DPF2: variants seen among roughly 807,000 people sequenced by gnomAD.
The protein encoded by DPF2 is zinc finger protein ubi-d4.
Under a neutral mutation model 59.6 loss-of-function variants are expected in DPF2, and 10 were observed. The ratio of observed to expected loss-of-function variants is 0.17; its 90% CI spans 0.10 to 0.28. The LOEUF is 0.28. Among genes scored for constraint, DPF2 ranks in the 10% least tolerant of loss-of-function variants. DPF2 has a pLI of 1.00. For synonymous variants in DPF2, 189 were observed against 190.6 expected (o/e 0.99, Z 0.07); for missense variants, 315 against 509.4 (o/e 0.62, Z 3.67).
intron 1 of DPF2, among the ~76,000 whole-genome samples, chr11:65,337,547 A>AGAGAGAGAGG (rs1251201046): frequency 9.9e-5 from 13 of 131,690 alleles, no homozygotes; most frequent in East Asian, 6.7e-4. Context: ...AGAGAGAGAG[A>AGAGAGAGAGG]ACAATGTTAA....
At chr11:65,337,504 T>TATAGAGAG (rs1282367012) in intron 1 of DPF2, among the ~76,000 whole-genome samples, 43 of 21,388 alleles carry the variant, frequency 2.0e-3, no homozygotes, top group Non-Finnish European at 2.8e-3. Context: ...TATATATATA[T>TATAGAGAG]AGAGAGAGAG....
In DPF2 at chr11:65,353,062, T is replaced by C. The variant is rs948220867; in HGVS notation, c.*1303T>C. 9.9e-5 allele frequency: 15 copies of C among 152,148 alleles called. No homozygotes were observed. Among genetic ancestry groups the C allele is most frequent in the Non-Finnish European group, 1.2e-4 (8 of 68,028 alleles). 9.4% of individuals were successfully genotyped at this position (152,148 alleles called of 1,614,324 possible). On this transcript the variant is annotated 3_prime_UTR_variant, in exon 11 of 11. Coordinates refer to ENST00000528416, the MANE Select transcript of DPF2 (RefSeq NM_006268.5). ...CTAAGATTTCCATGATGGTGGTTTT[T>C]TTTTTTAATGTTTTGAAATACAGCT... is the stretch of plus-strand genomic sequence containing the variant.
At chr11:65,338,067 C>T (rs912314151) in intron 1 of DPF2, among the ~76,000 whole-genome samples, 4 of 152,162 alleles carry the variant, frequency 2.6e-5, no homozygotes, top group Admixed American at 6.5e-5. Flanking sequence ...TCCCAAAGTG[C>T]TGGGATTACA....
At chr11:65,337,506 G>T (rs80344838) in intron 1 of DPF2, among the ~76,000 whole-genome samples, 620 of 53,034 alleles carry the variant, frequency 0.012, 2 homozygotes, top group African/African-American at 0.016. Context: ...TATATATATA[G>T]AGAGAGAGAG....
intron 2 of DPF2, 130 bp downstream of exon 2, chr11:65,340,675 TG>T: frequency 7.5e-7 from 1 of 1,326,920 alleles, no homozygotes. Flanking sequence ...ATGGTCTTCC[TG>T]TGATTAGAAA....
chr11:65,345,829 G>C, intron 7 of DPF2, 26 bp downstream of exon 7: 1 of 1,613,732 alleles, frequency 6.2e-7, no homozygotes, highest in Non-Finnish European at 8.5e-7. Context: ...AGAAGTGGTG[G>C]GCAAGCAGAA....
intron 4 of DPF2, chr11:65,343,467 C>A (rs1051366510): frequency 8.7e-6 from 4 of 457,230 alleles, no homozygotes; most frequent in Non-Finnish European, 1.2e-5. Context: ...ATCAGGGCAA[C>A]CTTTTGGAAG....
At chr11:65,350,397 C>T (rs1854661050) in intron 10 of DPF2, among the ~76,000 whole-genome samples, 1 of 120,084 alleles carries the variant, frequency 8.3e-6, no homozygotes, top group African/African-American at 3.3e-5. Context: ...TTTTTTGAGA[C>T]AGTGTCTTGT....
At chr11:65,335,932 G>C (rs1423220801) in intron 1 of DPF2, among the ~76,000 whole-genome samples, 1 of 151,944 alleles carries the variant, frequency 6.6e-6, no homozygotes, top group Non-Finnish European at 1.5e-5. Flanking sequence ...TCCTGCTTCA[G>C]CCTCCCGGGT....
At chr11:65,338,788 T>G (rs890480546) in intron 1 of DPF2, among the ~76,000 whole-genome samples, 2 of 152,232 alleles carry the variant, frequency 1.3e-5, no homozygotes, top group African/African-American at 4.8e-5. Flanking sequence ...TTGTGGCTGC[T>G]CACTGAAGGA....
chr11:65,337,543 A>AGAGAGAGAGAGAGAGAGG (rs1449977686), intron 1 of DPF2, among the ~76,000 whole-genome samples: 2 of 137,488 alleles, frequency 1.5e-5, no homozygotes, highest in African/African-American at 5.5e-5. Context: ...AGAGAGAGAG[A>AGAGAGAGAGAGAGAGAGG]GAGAACAATG....
chr11:65,349,126 A>G (rs1854621592), intron 10 of DPF2, among the ~76,000 whole-genome samples, 195 bp downstream of exon 10: 1 of 152,182 alleles, frequency 6.6e-6, no homozygotes, highest in Non-Finnish European at 1.5e-5. Flanking sequence ...TATCAGCTAC[A>G]TTTACAACAG....
intron 4 of DPF2, chr11:65,341,796 C>T (rs1224991049): frequency 1.1e-5 from 5 of 450,548 alleles, no homozygotes; most frequent in Non-Finnish European, 1.9e-5. Flanking sequence ...TTATTATACA[C>T]ATATATAATT....
At chr11:65,345,250 T>C in intron 6 of DPF2, 1 of 186,048 alleles carries the variant, frequency 5.4e-6, no homozygotes, top group Non-Finnish European at 1.1e-5. Context: ...CCACATTTAC[T>C]GAGGGGTAAA....
rs924539781 is a variant in DPF2 at position 65,334,029 on chromosome 11, C to G, written c.32+111C>G. 5 of 1,461,506 alleles carry G rather than the reference C, an allele frequency of 3.4e-6. No individual in the cohort carries two copies. In the African/African-American group the frequency reaches 7.0e-5, roughly 21 times the overall value. The allele number at this position is 1,461,506 out of a possible 1,614,324, so 90.5% of individuals were successfully genotyped here. ...GAGAGAGGGACATCCCCGGGAAAGC[C>G]ATGTTGCGACTCCTGGTGGGGAGGG... On this transcript the variant is annotated intron_variant, in intron 1 of 10. Coordinates refer to ENST00000528416, the MANE Select transcript of DPF2 (RefSeq NM_006268.5).
At chr11:65,341,123 G>C (rs1418193201) in intron 3 of DPF2, 50 bp downstream of exon 3, 3 of 1,576,616 alleles carry the variant, frequency 1.9e-6, no homozygotes, top group Non-Finnish European at 1.7e-6. Context: ...CATGGTGAGA[G>C]CCTGCTAATC....
At position 65,333,896 on chromosome 11, in the gene DPF2, G is replaced by A; in HGVS notation, c.10G>A (p.Val4Met). The part of the protein sequence containing the change: MAA[V>M]VENVVKLLGE... ...CAGAGGAACAGGGAAGATGGCGGCTGTGGTGGAGAATGTAGTGAAGCTGTG... is the reference window on the plus strand; with the variant it reads ...CAGAGGAACAGGGAAGATGGCGGCTATGGTGGAGAATGTAGTGAAGCTGTG... Residue 4 changes from valine (V) to methionine (M), a missense_variant, in exon 1 of 11, where the codon GTG (valine) becomes ATG (methionine). Around this residue, in one of 4 missense-constraint regions of DPF2, gnomAD observed 228 missense variants for 275.3 expected, o/e 0.83. Transcript: ENST00000528416. 6.2e-7 allele frequency: 1 copy of A among 1,614,052 alleles called. No individual in the cohort carries two copies. Among genetic ancestry groups the A allele is most frequent in the Non-Finnish European group, 8.5e-7 (1 of 1,179,972 alleles).
intron 4 of DPF2, chr11:65,343,529 A>G: frequency 3.5e-6 from 2 of 566,420 alleles, no homozygotes; most frequent in East Asian, 2.9e-5. Context: ...TTTCAGGCTA[A>G]GGAAATAACG....
At chr11:65,342,957 G>A (rs1382354938) in intron 4 of DPF2, among the ~76,000 whole-genome samples, 1 of 143,394 alleles carries the variant, frequency 7.0e-6, no homozygotes, top group African/African-American at 2.6e-5. Flanking sequence ...TTGCGCCACT[G>A]CACTCCAGCC....
Sources: allele counts gnomAD v4.1 joint callset (sites outside exome capture counted in the v4.1 genomes callset), GRCh38; gene constraint gnomAD v4.1.1; regional missense constraint gnomAD v4.1.1; transcripts MANE v1.5; gene names NCBI Gene and HGNC (gene_info 2026-07-23, HGNC 2026-07-21).